Variants in RFX3 observed in about 807,000 individuals in gnomAD.
RFX3 encodes regulatory factor X3.
A neutral mutation model predicts 98.6 loss-of-function variants in RFX3; 14 were observed. The observed-to-expected ratio is 0.14, with a 90% confidence interval of 0.09 to 0.22. RFX3 has a LOEUF of 0.22. RFX3 is among the 10% of genes least tolerant of loss of function. The pLI, the probability that RFX3 is intolerant of heterozygous loss-of-function variation, is 1.00. For synonymous variants in RFX3, 383 were observed against 328.4 expected, an observed-to-expected ratio of 1.17 and a Z score of -1.80; for missense variants, 639 against 926.9, an observed-to-expected ratio of 0.69 and a Z score of 4.03.
chr9:3,439,953 G>T (rs1053787630), intron 1 of RFX3, among the ~76,000 whole-genome samples: 6 of 152,046 alleles, frequency 3.9e-5, no homozygotes, highest in Admixed American at 1.3e-4. Flanking sequence ...GTTTGTTTAG[G>T]GTTTCGGACC....
intron 5 of RFX3, among the ~76,000 whole-genome samples, chr9:3,296,559 A>C (rs535535303): frequency 7.9e-5 from 12 of 152,224 alleles, no homozygotes; most frequent in African/African-American, 2.9e-4. Context: ...ATGCATATAC[A>C]TATATATTTA....
intron 9 of RFX3, among the ~76,000 whole-genome samples, chr9:3,273,761 A>G (rs1824821317): frequency 6.6e-6 from 1 of 151,162 alleles, no homozygotes; most frequent in South Asian, 2.1e-4. Flanking sequence ...GCTACTGGGG[A>G]GGCTGAGGCA....
intron 4 of RFX3, 122 bp downstream of exon 4, chr9:3,330,137 A>G: frequency 1.0e-6 from 1 of 1,004,018 alleles, no homozygotes; most frequent in South Asian, 1.6e-5. Flanking sequence ...TCTCAATACT[A>G]AAACTATCCA....
In RFX3 at chr9:3,367,436, C is replaced by CA. The variant is rs1208278819; in HGVS notation, c.118-20673dup. Among the ~76,000 whole-genome samples the CA allele has an allele frequency of 6.5e-4, 99 of 152,298 alleles. 1 individual carries two copies. The highest frequency in any genetic ancestry group is 2.9e-5 in the Non-Finnish European group (2 of 68,028). ...CTAAACAAAAGCCCCATGTGACAGA[C>CA]ACATTACTTTCAGTCTTGTGAGACA... On this transcript the variant is annotated intron_variant, in intron 2 of 16. Transcript: ENST00000617270.
At chr9:3,334,350 G>C (rs1026566187) in intron 3 of RFX3, among the ~76,000 whole-genome samples, 2 of 152,084 alleles carry the variant, frequency 1.3e-5, no homozygotes, top group Admixed American at 6.6e-5. Flanking sequence ...TTACCACTTC[G>C]GATTGGAATT....
chr9:3,268,273 T>C (rs1823918826), intron 11 of RFX3, among the ~76,000 whole-genome samples: 1 of 151,620 alleles, frequency 6.6e-6, no homozygotes, highest in African/African-American at 2.4e-5. Context: ...AATGGTAGAG[T>C]GAAGTGCTAG....
At chr9:3,440,818 T>G (rs1845546743) in intron 1 of RFX3, among the ~76,000 whole-genome samples, 1 of 152,162 alleles carries the variant, frequency 6.6e-6, no homozygotes, top group Non-Finnish European at 1.5e-5. Flanking sequence ...GAGCTAACAC[T>G]ACCTGATTTG....
intron 1 of RFX3, among the ~76,000 whole-genome samples, chr9:3,500,956 G>T (rs531145867): frequency 2.1e-4 from 32 of 152,180 alleles, no homozygotes; most frequent in Admixed American, 2.0e-3. Context: ...TAACTAAATG[G>T]CAAAAATAAA....
chr9:3,288,038 C>G (rs934873654), intron 7 of RFX3, 93 bp downstream of exon 7: 2 of 1,183,878 alleles, frequency 1.7e-6, no homozygotes, highest in Non-Finnish European at 2.4e-6. Context: ...TAAGAACGTT[C>G]TTTTATACTT....
At chr9:3,281,514 T>C (rs1006850281) in intron 7 of RFX3, among the ~76,000 whole-genome samples, 1 of 151,744 alleles carries the variant, frequency 6.6e-6, no homozygotes, top group Non-Finnish European at 1.5e-5. Context: ...TTAGTACTCT[T>C]TCATTGAGTG....
intron 2 of RFX3, among the ~76,000 whole-genome samples, chr9:3,390,964 C>T (rs538304926): frequency 1.3e-5 from 2 of 151,972 alleles, no homozygotes; most frequent in Non-Finnish European, 2.9e-5. Flanking sequence ...TTGCACCAAC[C>T]TATATATAAT....
chr9:3,398,746 C>G (rs1841160554), intron 1 of RFX3, among the ~76,000 whole-genome samples: 1 of 151,998 alleles, frequency 6.6e-6, no homozygotes, highest in African/African-American at 2.4e-5. Context: ...ACAGACTACT[C>G]TACATACTTT....
At chr9:3,444,373 A>G (rs1845852786) in intron 1 of RFX3, among the ~76,000 whole-genome samples, 1 of 152,152 alleles carries the variant, frequency 6.6e-6, no homozygotes. Context: ...ACTAATACAT[A>G]GTGACAGAAA....
intron 5 of RFX3, among the ~76,000 whole-genome samples, chr9:3,295,180 G>C (rs1385903684): frequency 6.6e-6 from 1 of 151,480 alleles, no homozygotes; most frequent in African/African-American, 2.4e-5. Context: ...TTAGTATTTT[G>C]CCTACAACAG....
At chr9:3,282,177 G>A (rs149138351) in intron 7 of RFX3, among the ~76,000 whole-genome samples, 1 of 151,878 alleles carries the variant, frequency 6.6e-6, no homozygotes, top group African/African-American at 2.4e-5. Flanking sequence ...ATGACTTCAT[G>A]TCTGAAATGA....
At chr9:3,300,540 G>C (rs1338441858) in intron 5 of RFX3, among the ~76,000 whole-genome samples, 1 of 151,558 alleles carries the variant, frequency 6.6e-6, no homozygotes, top group Non-Finnish European at 1.5e-5. Context: ...AAAGTTTTAG[G>C]TTTATTGAAA....
Position 3,221,799 on chromosome 9 carries a change from CTATCA to C in RFX3, c.*3238_*3242del, listed in dbSNP as rs1201506078. 1.2e-4 allele frequency: 18 copies of C among 152,260 alleles called. No individual in the cohort carries two copies. The highest frequency in any genetic ancestry group is 4.4e-5 in the Non-Finnish European group (3 of 68,002). 9.4% of individuals were successfully genotyped at this position (152,260 alleles called of 1,614,324 possible). ...CAAACTATACCCATGATACTCAATC[CTATCA>C]TATGAAAATATCTTTTCTGAAACTT... On this transcript the variant is annotated 3_prime_UTR_variant, in exon 17 of 17. Coordinates refer to ENST00000617270, the MANE Select transcript of RFX3 (RefSeq NM_001282116.2).
At chr9:3,503,453 T>C (rs111787047) in intron 1 of RFX3, among the ~76,000 whole-genome samples, 64 of 152,194 alleles carry the variant, frequency 4.2e-4, no homozygotes, top group African/African-American at 1.4e-3. Flanking sequence ...TACAGTAGAA[T>C]AGCCTCGAAT....
intron 1 of RFX3, among the ~76,000 whole-genome samples, chr9:3,465,081 A>T (rs1172403345): frequency 2.0e-5 from 3 of 152,186 alleles, no homozygotes; most frequent in African/African-American, 7.2e-5. Flanking sequence ...TTATTAAAAT[A>T]GAAGAATCAC....
Sources: gnomAD v4.1 joint callset for allele counts (sites outside exome capture counted in the v4.1 genomes callset) on GRCh38, gnomAD v4.1.1 for gene constraint, MANE v1.5 for transcripts, NCBI Gene and HGNC (gene_info 2026-07-23, HGNC 2026-07-21) for gene names.